PDE4B: variants seen among roughly 807,000 people sequenced by gnomAD.
PDE4B encodes the protein phosphodiesterase 4B.
Under a neutral mutation model 82.2 loss-of-function variants are expected in PDE4B, and 20 were observed. The ratio of observed to expected loss-of-function variants is 0.24; its 90% CI spans 0.17 to 0.35. The LOEUF (loss-of-function observed/expected upper bound fraction) is 0.35. Ranked by LOEUF, PDE4B falls within the 10% of genes least tolerant of loss-of-function variation. The pLI is 1.00. For missense variants in PDE4B, 655 were observed against 907.2 expected, an observed-to-expected ratio of 0.72 and a Z score of 3.57; for synonymous variants, 320 against 318.9, an observed-to-expected ratio of 1.00 and a Z score of -0.04.
intron 7 of PDE4B, among the ~76,000 whole-genome samples, chr1:66,314,548 G>T (rs1402089366): frequency 6.6e-6 from 1 of 152,060 alleles, no homozygotes; most frequent in Non-Finnish European, 1.5e-5. Context: ...GAGTAGCCGG[G>T]ATTACAGGAA....
chr1:66,315,347 T>C (rs943501510), intron 7 of PDE4B, among the ~76,000 whole-genome samples: 3 of 152,242 alleles, frequency 2.0e-5, no homozygotes, highest in African/African-American at 2.4e-5. Context: ...TGAGTCTTGA[T>C]TGGAAAATTC....
At chr1:66,089,993 C>A (rs538337133) in intron 3 of PDE4B, among the ~76,000 whole-genome samples, 1 of 151,866 alleles carries the variant, frequency 6.6e-6, no homozygotes, top group Non-Finnish European at 1.5e-5. Context: ...TCTCCTATAC[C>A]CTTGATCTAT....
intron 7 of PDE4B, among the ~76,000 whole-genome samples, chr1:66,286,679 T>G (rs1570626654): frequency 6.6e-6 from 1 of 152,042 alleles, no homozygotes; most frequent in Non-Finnish European, 1.5e-5. Context: ...AACATAAACA[T>G]GGGAAAACTT....
intron 1 of PDE4B, among the ~76,000 whole-genome samples, chr1:65,855,595 T>A (rs1401229097): frequency 6.6e-6 from 1 of 152,212 alleles, no homozygotes; most frequent in Non-Finnish European, 1.5e-5. Flanking sequence ...GCCACCTGAT[T>A]ATTCCGTGTT....
intron 3 of PDE4B, among the ~76,000 whole-genome samples, chr1:66,200,526 C>A (rs554454042): frequency 6.6e-6 from 1 of 152,262 alleles, no homozygotes; most frequent in East Asian, 1.9e-4. Context: ...TTTCATTGAG[C>A]AGTGGTCTGT....
rs538879381 is a variant in PDE4B at position 65,793,165 on chromosome 1, C to A, written c.-154C>A. The A allele has an allele frequency of 1.3e-5, 2 of 152,190 alleles. No individual in the cohort carries two copies. Among genetic ancestry groups the A allele is most frequent in the African/African-American group, 2.4e-5 (1 of 41,456 alleles). 9.4% of individuals were successfully genotyped at this position (152,190 alleles called of 1,614,324 possible). A position where few individuals can be genotyped will look rare whatever the true frequency, so the allele number is the denominator to read the frequency against. The stretch of plus-strand genomic sequence containing the variant: ...GGTCTACCCGCGCCGGGCGGAGCCC[C>A]GGCGTCCAGAGCGCTGCGGCCGCGG... On this transcript the variant is annotated 5_prime_UTR_variant, in exon 1 of 17. Transcript: ENST00000341517.
At chr1:65,998,038 T>C (rs1034031354) in intron 3 of PDE4B, among the ~76,000 whole-genome samples, 2 of 152,192 alleles carry the variant, frequency 1.3e-5, no homozygotes, top group African/African-American at 4.8e-5. Context: ...TAGGAAATCC[T>C]GTTAACAAAT....
rs558025226 is a variant in PDE4B at position 66,186,894 on chromosome 1, G to A, written c.282-60566G>A. Among the ~76,000 whole-genome samples the A allele has an allele frequency of 5.3e-5, 8 of 152,284 alleles. No individual in the cohort carries two copies. The South Asian group carries it at 1.5e-3, about 28-fold the overall frequency. On this transcript the variant is annotated intron_variant, in intron 3 of 16. Coordinates refer to ENST00000341517, the MANE Select transcript of PDE4B (RefSeq NM_002600.4). ...TGTTGAATAGGAGTGATGAGAGAGGGCATCCCTGTCTTGTGCCAGTTTTCA... is the reference window on the plus strand; with the variant it reads ...TGTTGAATAGGAGTGATGAGAGAGGACATCCCTGTCTTGTGCCAGTTTTCA...
At chr1:65,895,599 G>T (rs913105907) in intron 1 of PDE4B, among the ~76,000 whole-genome samples, 1 of 149,644 alleles carries the variant, frequency 6.7e-6, no homozygotes. Flanking sequence ...ATAAATATGG[G>T]GTCTACATGA....
At chr1:66,129,746 A>G (rs1645902037) in intron 3 of PDE4B, among the ~76,000 whole-genome samples, 2 of 152,036 alleles carry the variant, frequency 1.3e-5, no homozygotes, top group South Asian at 4.1e-4. Flanking sequence ...TCTATTTCAT[A>G]AGGTTGTATA....
At chr1:66,104,536 C>G (rs1458378472) in intron 3 of PDE4B, among the ~76,000 whole-genome samples, 1 of 145,882 alleles carries the variant, frequency 6.9e-6, no homozygotes, top group Non-Finnish European at 1.5e-5. Context: ...AATGGTTGAA[C>G]TAGTTTACAG....
At chr1:65,839,369 A>G (rs1395368805) in intron 1 of PDE4B, among the ~76,000 whole-genome samples, 1 of 151,976 alleles carries the variant, frequency 6.6e-6, no homozygotes, top group Non-Finnish European at 1.5e-5. Flanking sequence ...TGCTGCACCC[A>G]TAAACCCATC....
Position 66,029,668 on chromosome 1 carries a change from C to T in PDE4B, c.281+110833C>T, listed in dbSNP as rs890949231. 2.6e-5 allele frequency among the ~76,000 whole-genome samples: 4 copies of T among 152,090 alleles called. No homozygotes were observed. The East Asian group carries it at 7.7e-4, about 29-fold the overall frequency. On this transcript the variant is annotated intron_variant, in intron 3 of 16. Transcript: ENST00000341517. Reference sequence around the variant, plus strand: ...TTGCTTTTTGATATGAAATATAAGTCATATGTTACTATAATAATAAGCACT... The same window carrying T: ...TTGCTTTTTGATATGAAATATAAGTTATATGTTACTATAATAATAAGCACT...
intron 9 of PDE4B, among the ~76,000 whole-genome samples, chr1:66,361,009 A>G (rs1557727600): frequency 6.6e-6 from 1 of 152,190 alleles, no homozygotes; most frequent in African/African-American, 2.4e-5. Context: ...CTAAACCTCA[A>G]ATGGTAATAA....
At chr1:66,297,687 C>T (rs1217199746) in intron 7 of PDE4B, among the ~76,000 whole-genome samples, 4 of 152,112 alleles carry the variant, frequency 2.6e-5, no homozygotes, top group African/African-American at 4.8e-5. Flanking sequence ...AATAATGTTA[C>T]TCCATTCATA....
intron 3 of PDE4B, among the ~76,000 whole-genome samples, chr1:65,931,402 G>A (rs919699925): frequency 6.6e-6 from 1 of 152,102 alleles, no homozygotes; most frequent in Non-Finnish European, 1.5e-5. Context: ...TGACATGACT[G>A]TCTTTACAAA....
intron 3 of PDE4B, among the ~76,000 whole-genome samples, chr1:66,101,744 A>G (rs1443610526): frequency 6.6e-6 from 1 of 152,090 alleles, no homozygotes; most frequent in Non-Finnish European, 1.5e-5. Flanking sequence ...CCTTTGTCAG[A>G]TGAGTAGATT....
At chr1:66,121,763 C>A (rs970564063) in intron 3 of PDE4B, among the ~76,000 whole-genome samples, 3 of 152,322 alleles carry the variant, frequency 2.0e-5, no homozygotes, top group Admixed American at 1.3e-4. Context: ...AACTTCGTAT[C>A]CTCCAGCTTT....
chr1:65,940,118 G>A (rs1648362292), intron 3 of PDE4B, among the ~76,000 whole-genome samples: 1 of 152,130 alleles, frequency 6.6e-6, no homozygotes, highest in Non-Finnish European at 1.5e-5. Flanking sequence ...GTTTGCTACG[G>A]AAGTCCTCCA....
Sources: gnomAD v4.1 joint callset for allele counts (sites outside exome capture counted in the v4.1 genomes callset) on GRCh38, gnomAD v4.1.1 for gene constraint, MANE v1.5 for transcripts, NCBI Gene and HGNC (gene_info 2026-07-23, HGNC 2026-07-21) for gene names.